Variants in CSMD1 observed in about 807,000 individuals in gnomAD.
The protein encoded by CSMD1 is CUB and sushi domain-containing protein 1.
CSMD1 carries 213 observed loss-of-function variants against 417.5 expected under a neutral mutation model. That is an observed-to-expected ratio of 0.51 (90% CI 0.46 to 0.57). The LOEUF (loss-of-function observed/expected upper bound fraction) is 0.57, where lower values mean the gene tolerates loss of function less well. Among genes scored for constraint, CSMD1 ranks in the 20% least tolerant of loss-of-function variants. CSMD1 has a pLI of 0.00. For synonymous variants in CSMD1, 2,862 were observed against 1,736.8 expected, an observed-to-expected ratio of 1.65 and a Z score of -16.11; for missense variants, 6,923 against 4,529.7, an observed-to-expected ratio of 1.53 and a Z score of -15.17.
intron 2 of CSMD1, among the ~76,000 whole-genome samples, chr8:4,616,679 C>T (rs1310792938): frequency 6.6e-6 from 1 of 152,170 alleles, no homozygotes; most frequent in Non-Finnish European, 1.5e-5. Flanking sequence ...AGTAAACTGA[C>T]TTTAAAAGCA....
chr8:4,805,269 G>C (rs1338523498), intron 1 of CSMD1, among the ~76,000 whole-genome samples: 1 of 152,132 alleles, frequency 6.6e-6, no homozygotes, highest in Non-Finnish European at 1.5e-5. Context: ...TTTCATGGAT[G>C]TATTTAGTAT....
At chr8:3,634,163 G>C (rs750883514) in intron 7 of CSMD1, among the ~76,000 whole-genome samples, 3 of 152,138 alleles carry the variant, frequency 2.0e-5, no homozygotes, top group Non-Finnish European at 4.4e-5. Context: ...GAATGTCCTA[G>C]CTTATGAGAG....
intron 7 of CSMD1, among the ~76,000 whole-genome samples, chr8:3,656,641 C>G (rs914253360): frequency 2.6e-5 from 4 of 152,116 alleles, no homozygotes; most frequent in African/African-American, 9.7e-5. Context: ...ATTACAAAGG[C>G]TTTAGGCCAG....
At chr8:4,446,561 T>TTGTTG (rs1016686383) in intron 2 of CSMD1, among the ~76,000 whole-genome samples, 1 of 151,996 alleles carries the variant, frequency 6.6e-6, no homozygotes, top group African/African-American at 2.4e-5. Flanking sequence ...TTGTTTTGTT[T>TTGTTG]TGTTGTGGGG....
chr8:3,960,541 T>C (rs1409618662), intron 5 of CSMD1, among the ~76,000 whole-genome samples: 1 of 152,158 alleles, frequency 6.6e-6, no homozygotes, highest in African/African-American at 2.4e-5. Context: ...GTGTGCCAAT[T>C]AGGAAAGCAT....
At chr8:3,280,229 G>T (rs1449235169) in intron 26 of CSMD1, among the ~76,000 whole-genome samples, 1 of 152,092 alleles carries the variant, frequency 6.6e-6, no homozygotes, top group Non-Finnish European at 1.5e-5. Context: ...GTAGATTTGG[G>T]GCCAAAGGGA....
At chr8:4,256,859 G>A (rs559746950) in intron 3 of CSMD1, among the ~76,000 whole-genome samples, 9 of 152,158 alleles carry the variant, frequency 5.9e-5, no homozygotes, top group Non-Finnish European at 1.2e-4. Flanking sequence ...AGTCACCATC[G>A]CATAAAGGGG....
chr8:4,482,526 T>C (rs1463288645), intron 2 of CSMD1, among the ~76,000 whole-genome samples: 1 of 152,370 alleles, frequency 6.6e-6, no homozygotes. Flanking sequence ...TCCATGTCTT[T>C]GCTATTGTGA....
At chr8:4,344,529 T>C (rs1800671176) in intron 3 of CSMD1, among the ~76,000 whole-genome samples, 1 of 150,932 alleles carries the variant, frequency 6.6e-6, no homozygotes, top group Non-Finnish European at 1.5e-5. Context: ...CAGAAATATA[T>C]ATAAATAAAT....
chr8:4,209,887 C>T (rs1197643673), intron 3 of CSMD1, among the ~76,000 whole-genome samples: 2 of 152,170 alleles, frequency 1.3e-5, no homozygotes, highest in Non-Finnish European at 2.9e-5. Context: ...GTGGTAACTT[C>T]TGTGTTGACA....
chr8:2,987,825 T>G (rs1806058102), intron 54 of CSMD1, among the ~76,000 whole-genome samples: 1 of 152,150 alleles, frequency 6.6e-6, no homozygotes, highest in Non-Finnish European at 1.5e-5. Context: ...CTCCTGCTCT[T>G]GACAAGCTCC....
chr8:4,780,067 T>G (rs910695608), intron 1 of CSMD1, among the ~76,000 whole-genome samples: 2 of 152,204 alleles, frequency 1.3e-5, no homozygotes, highest in African/African-American at 2.4e-5. Context: ...GGGCACGTAC[T>G]TCAGGATGTC....
rs1563164105 is a variant in CSMD1, at chr8:2,938,265, C to A, written c.*320G>T. ...TGCATTGAAAGGCATCTCAGCAACA[C>A]AGAAATATGAAAGTCTGAGGCATTG... On this transcript the variant is annotated 3_prime_UTR_variant, in exon 70 of 70. Coordinates refer to ENST00000635120, the MANE Select transcript of CSMD1 (RefSeq NM_033225.6). 3 of 263,062 alleles carry A rather than the reference C, an allele frequency of 1.1e-5. No individual in the cohort carries two copies. 16.3% of individuals were successfully genotyped at this position (263,062 alleles called of 1,614,324 possible).
At chr8:3,818,921 C>G (rs1249599068) in intron 5 of CSMD1, among the ~76,000 whole-genome samples, 4 of 152,218 alleles carry the variant, frequency 2.6e-5, no homozygotes, top group African/African-American at 4.8e-5. Context: ...CATGCCCACA[C>G]TCACTCACAC....
At chr8:4,616,489 G>A (rs1374876899) in intron 2 of CSMD1, among the ~76,000 whole-genome samples, 6 of 152,104 alleles carry the variant, frequency 3.9e-5, no homozygotes, top group Non-Finnish European at 8.8e-5. Context: ...TATATCTCCT[G>A]CTCACTCTCT....
chr8:3,289,695 T>C (rs544535004), intron 25 of CSMD1, among the ~76,000 whole-genome samples: 1 of 147,480 alleles, frequency 6.8e-6, no homozygotes, highest in Admixed American at 6.7e-5. Context: ...CTTGAAAATT[T>C]GTTGGAGTTC....
chr8:3,605,258 G>A (rs112077805), intron 8 of CSMD1, among the ~76,000 whole-genome samples: 13 of 152,278 alleles, frequency 8.5e-5, no homozygotes, highest in African/African-American at 3.1e-4. Context: ...CCACAGTGCT[G>A]GGTTTACAGG....
At chr8:3,347,631 G>C (rs1001278375) in intron 22 of CSMD1, among the ~76,000 whole-genome samples, 24 of 152,172 alleles carry the variant, frequency 1.6e-4, no homozygotes, top group Non-Finnish European at 3.4e-4. Flanking sequence ...CACAATGCTA[G>C]GAACATCCAC....
At chr8:4,227,944 C>G (rs987196235) in intron 3 of CSMD1, among the ~76,000 whole-genome samples, 1 of 151,798 alleles carries the variant, frequency 6.6e-6, no homozygotes, top group Admixed American at 6.6e-5. Flanking sequence ...CACACACCCT[C>G]CATCCTGCAT....
Sources: gnomAD v4.1 joint callset for allele counts (sites outside exome capture counted in the v4.1 genomes callset) on GRCh38, gnomAD v4.1.1 for gene constraint, MANE v1.5 for transcripts, NCBI Gene and HGNC (gene_info 2026-07-23, HGNC 2026-07-21) for gene names.